MYOM1: variants seen among roughly 807,000 people sequenced by gnomAD.
MYOM1 encodes the protein myomesin 1.
MYOM1 carries 164 observed loss-of-function variants against 205.3 expected under a neutral mutation model. The ratio of observed to expected loss-of-function variants is 0.80; its 90% CI spans 0.70 to 0.91. The LOEUF (loss-of-function observed/expected upper bound fraction) is 0.91, where lower values mean the gene tolerates loss of function less well. Among genes scored for constraint, MYOM1 ranks in the 40% least tolerant of loss-of-function variants. The probability of loss-of-function intolerance (pLI) is 0.00; values close to 1 mark genes in which losing one functional copy is unlikely to be tolerated. For missense variants in MYOM1, 2,011 were observed against 2,127.3 expected (o/e 0.95, Z 1.08); for synonymous variants, 772 against 789.4 (o/e 0.98, Z 0.37).
intron 2 of MYOM1, among the ~76,000 whole-genome samples, chr18:3,197,136 CTTT>C (rs34446814): frequency 5.3e-5 from 7 of 132,500 alleles, no homozygotes; most frequent in South Asian, 2.4e-4. Flanking sequence ...CTCCAACTTC[CTTT>C]TTTTTTTTTT....
intron 21 of MYOM1, 98 bp downstream of exon 21, chr18:3,116,233 G>T: frequency 7.6e-7 from 1 of 1,316,646 alleles, no homozygotes. Flanking sequence ...ATATGAAACA[G>T]ATCAAAGCGG....
In MYOM1 at chr18:3,164,167, A is replaced by C; in HGVS notation, c.1501+111T>G. 3 of 1,232,390 alleles carry C rather than the reference A, an allele frequency of 2.4e-6. No individual in the cohort carries two copies. In the South Asian group the frequency reaches 4.4e-5, roughly 18 times the overall value. 76.3% of individuals were successfully genotyped at this position (1,232,390 alleles called of 1,614,324 possible). On this transcript the variant is annotated intron_variant, in intron 10 of 37. Coordinates refer to ENST00000356443, the MANE Select transcript of MYOM1 (RefSeq NM_003803.4). ...ACATTGCACCCTGCCAGAATTTTGA[A>C]ATGACTCTTCCATCATTATGAAACA...
chr18:3,196,995 G>C (rs369808017), intron 2 of MYOM1, among the ~76,000 whole-genome samples: 3 of 152,358 alleles, frequency 2.0e-5, no homozygotes, highest in African/African-American at 7.2e-5. Context: ...TGATTTGACA[G>C]ATGTGGAAAG....
chr18:3,191,862 AT>A (rs59605779), intron 3 of MYOM1, among the ~76,000 whole-genome samples: 3,635 of 151,732 alleles, frequency 0.024, 142 homozygotes, highest in African/African-American at 0.084. Flanking sequence ...CGCCCGGCTA[AT>A]TTTTTTGTAT....
At chr18:3,170,686 A>G (rs1390126611) in intron 8 of MYOM1, among the ~76,000 whole-genome samples, 2 of 152,276 alleles carry the variant, frequency 1.3e-5, no homozygotes, top group Non-Finnish European at 2.9e-5. Context: ...CTGTTTATTG[A>G]TGGGTTATTA....
Position 3,124,038 on chromosome 18 carries a change from T to C in MYOM1, c.2991+2663A>G, listed in dbSNP as rs548147458. 1.9e-3 allele frequency among the ~76,000 whole-genome samples: 287 copies of C among 151,464 alleles called. 9 individuals carry two copies. The highest frequency in any genetic ancestry group is 6.4e-3 in the African/African-American group (263 of 40,904). Reference sequence around the variant, plus strand: ...TTTTAGTAGAGACAGGGTTTCACCATGTTGGCCAGGCTGGTCTCAAACTCC... The same window carrying C: ...TTTTAGTAGAGACAGGGTTTCACCACGTTGGCCAGGCTGGTCTCAAACTCC... On this transcript the variant is annotated intron_variant, in intron 19 of 37. Transcript: ENST00000356443.
At chr18:3,124,645 A>G (rs1470405360) in intron 19 of MYOM1, among the ~76,000 whole-genome samples, 1 of 151,792 alleles carries the variant, frequency 6.6e-6, no homozygotes, top group African/African-American at 2.4e-5. Flanking sequence ...TTTTCAATAG[A>G]TAATGCTGGG....
chr18:3,134,334 C>G (rs1219717514), intron 16 of MYOM1, among the ~76,000 whole-genome samples: 1 of 152,132 alleles, frequency 6.6e-6, no homozygotes, highest in East Asian at 1.9e-4. Context: ...ATCCTCCCTC[C>G]TCAGCCTCCT....
intron 19 of MYOM1, among the ~76,000 whole-genome samples, chr18:3,124,303 C>CTT (rs34118507): frequency 0.2 from 26,689 of 130,766 alleles, 3,320 homozygotes; most frequent in African/African-American, 0.27. Context: ...TTTCTTTTTT[C>CTT]TTTTTTTTTT....
chr18:3,215,400 G>T, intron 1 of MYOM1, 149 bp from the exon 2 acceptor site: 1 of 683,448 alleles, frequency 1.5e-6, no homozygotes, highest in Non-Finnish European at 2.4e-6. Flanking sequence ...GAGGCCGGGA[G>T]CTCAAAATCA....
At chr18:3,120,779 T>C (rs1286725491) in intron 19 of MYOM1, among the ~76,000 whole-genome samples, 1 of 152,230 alleles carries the variant, frequency 6.6e-6, no homozygotes, top group Admixed American at 6.5e-5. Flanking sequence ...ATGTTTCTGC[T>C]CTTTACTGAG....
At chr18:3,116,540 T>C (rs755285655) in intron 20 of MYOM1, 25 bp from the exon 21 acceptor site, 16 of 1,492,780 alleles carry the variant, frequency 1.1e-5, no homozygotes, top group African/African-American at 2.8e-5. Flanking sequence ...AGCCAATGAG[T>C]AGAAATCATA....
chr18:3,159,388 G>C (rs1229005475), intron 10 of MYOM1, among the ~76,000 whole-genome samples: 1 of 152,168 alleles, frequency 6.6e-6, no homozygotes, highest in South Asian at 2.1e-4. Context: ...GCCCTGAAGT[G>C]ACCTCGTGCA....
intron 22 of MYOM1, 55 bp downstream of exon 22, chr18:3,112,238 AACCTT>A: frequency 7.1e-7 from 1 of 1,414,186 alleles, no homozygotes. Flanking sequence ...AGAAAGGCCG[AACCTT>A]AGTTCAGTAT....
At chr18:3,246,199 CAGGCCACCA>C in the MYOM1 span, 1 of 152,196 alleles carries the variant, frequency 6.6e-6, no homozygotes, top group Non-Finnish European at 1.5e-5. Context: ...CTCGTGGTGG[CAGGCCACCA>C]CCCTGTGGAG....
At chr18:3,117,520 T>C (rs1352452898) in intron 20 of MYOM1, among the ~76,000 whole-genome samples, 2 of 152,172 alleles carry the variant, frequency 1.3e-5, no homozygotes, top group African/African-American at 2.4e-5. Context: ...TTCATAACCC[T>C]CTGCAGGGAG....
chr18:3,125,347 A>G (rs2079763572), intron 19 of MYOM1, among the ~76,000 whole-genome samples: 1 of 152,236 alleles, frequency 6.6e-6, no homozygotes, highest in African/African-American at 2.4e-5. Context: ...AAATAGCAAT[A>G]AGAATTGAAT....
chr18:3,127,300 T>C (rs1165823349), intron 18 of MYOM1, among the ~76,000 whole-genome samples: 1 of 51,642 alleles, frequency 1.9e-5, no homozygotes, highest in African/African-American at 9.3e-5. Context: ...TATATATATA[T>C]ATATATTTTT....
intron 13 of MYOM1, among the ~76,000 whole-genome samples, chr18:3,142,420 C>G (rs1361438381): frequency 6.6e-6 from 1 of 151,968 alleles, no homozygotes; most frequent in Non-Finnish European, 1.5e-5. Flanking sequence ...CACCACCACA[C>G]CTACATAATT....
Sources: allele counts gnomAD v4.1 joint callset (sites outside exome capture counted in the v4.1 genomes callset), GRCh38; gene constraint gnomAD v4.1.1; transcripts MANE v1.5; gene names NCBI Gene and HGNC (gene_info 2026-07-23, HGNC 2026-07-21).